Variants in LRRC4C observed in about 807,000 individuals in gnomAD.
The protein encoded by LRRC4C is leucine rich repeat containing 4C.
Under a neutral mutation model 33.6 loss-of-function variants are expected in LRRC4C, and 5 were observed. The ratio of observed to expected loss-of-function variants is 0.15; its 90% CI spans 0.08 to 0.31. The LOEUF is 0.31. LRRC4C is among the 10% of genes least tolerant of loss of function. The probability of loss-of-function intolerance (pLI) is 1.00; values close to 1 mark genes in which losing one functional copy is unlikely to be tolerated. For missense variants in LRRC4C, 560 were observed against 796.7 expected (o/e 0.70, Z 3.58); for synonymous variants, 329 against 302.0 (o/e 1.09, Z -0.93).
At chr11:41,106,129 A>T (rs1941479024) in intron 1 of LRRC4C, among the ~76,000 whole-genome samples, 1 of 152,152 alleles carries the variant, frequency 6.6e-6, no homozygotes, top group African/African-American at 2.4e-5. Flanking sequence ...TAAGTCAGTG[A>T]CAGAACTAAG....
intron 2 of LRRC4C, among the ~76,000 whole-genome samples, chr11:40,666,001 G>C (rs1350585907): frequency 6.6e-6 from 1 of 151,940 alleles, no homozygotes; most frequent in Non-Finnish European, 1.5e-5. Flanking sequence ...TAGAAAGTTT[G>C]GCTTTTTTCT....
chr11:40,829,167 C>A (rs1952296994), intron 2 of LRRC4C, among the ~76,000 whole-genome samples: 1 of 151,880 alleles, frequency 6.6e-6, no homozygotes, highest in African/African-American at 2.4e-5. Context: ...ATGCAGATAG[C>A]TTTTCAATGG....
intron 5 of LRRC4C, among the ~76,000 whole-genome samples, chr11:40,166,502 G>C (rs963224622): frequency 3.9e-5 from 6 of 152,260 alleles, no homozygotes; most frequent in African/African-American, 1.2e-4. Flanking sequence ...GTTTCCTACT[G>C]TGTGTGCTGG....
At chr11:40,853,555 A>G (rs1362724023) in intron 2 of LRRC4C, among the ~76,000 whole-genome samples, 4 of 151,924 alleles carry the variant, frequency 2.6e-5, no homozygotes, top group African/African-American at 4.8e-5. Context: ...ATTCAGGTAT[A>G]TGCAAAACGA....
At chr11:40,511,400 G>A (rs12574103) in intron 3 of LRRC4C, among the ~76,000 whole-genome samples, 3 of 152,180 alleles carry the variant, frequency 2.0e-5, no homozygotes, top group Non-Finnish European at 4.4e-5. Context: ...GAAGGGCCAT[G>A]AGATGCAAAA....
At chr11:40,613,206 G>A (rs1017227946) in intron 3 of LRRC4C, among the ~76,000 whole-genome samples, 1 of 151,838 alleles carries the variant, frequency 6.6e-6, no homozygotes, top group Non-Finnish European at 1.5e-5. Context: ...TCTGTAGCAT[G>A]GGATGTTGTT....
At chr11:40,159,223 A>C (rs1451995135) in intron 5 of LRRC4C, among the ~76,000 whole-genome samples, 1 of 152,172 alleles carries the variant, frequency 6.6e-6, no homozygotes, top group Admixed American at 6.5e-5. Flanking sequence ...TGGCGAAGAT[A>C]ATTTTCAAAT....
intron 1 of LRRC4C, among the ~76,000 whole-genome samples, chr11:41,104,357 C>T (rs1941373369): frequency 6.6e-6 from 1 of 151,800 alleles, no homozygotes; most frequent in South Asian, 2.1e-4. Flanking sequence ...AGAACATAAC[C>T]ATATTCTCAA....
intron 1 of LRRC4C, among the ~76,000 whole-genome samples, chr11:40,997,746 CT>C (rs1854084935): frequency 6.6e-6 from 1 of 150,448 alleles, no homozygotes; most frequent in Non-Finnish European, 1.5e-5. Flanking sequence ...TGAGGAGAGC[CT>C]TCTAGATGAG....
chr11:40,294,335 G>C (rs1468616911), intron 4 of LRRC4C, among the ~76,000 whole-genome samples: 1 of 152,084 alleles, frequency 6.6e-6, no homozygotes, highest in Non-Finnish European at 1.5e-5. Context: ...GGCTGTGTGG[G>C]AGAAGTCAGT....
intron 1 of LRRC4C, among the ~76,000 whole-genome samples, chr11:41,267,780 G>A (rs1045899941): frequency 1.3e-5 from 2 of 151,996 alleles, no homozygotes; most frequent in Admixed American, 1.3e-4. Flanking sequence ...AATTGCTTTA[G>A]AATGAAGGAT....
chr11:40,908,427 C>CTGA (rs1252769717), intron 2 of LRRC4C, among the ~76,000 whole-genome samples: 3 of 152,030 alleles, frequency 2.0e-5, no homozygotes, highest in Non-Finnish European at 4.4e-5. Context: ...TTAACAAGGA[C>CTGA]TGATAAGCTT....
Position 40,283,514 on chromosome 11 carries a change from A to T in LRRC4C, c.-176+36114T>A, listed in dbSNP as rs543080414. Among the ~76,000 whole-genome samples, 25 of 152,236 alleles carry T rather than the reference A, an allele frequency of 1.6e-4. No homozygotes were observed. In the East Asian group the frequency reaches 4.8e-3, roughly 29 times the overall value. The stretch of plus-strand genomic sequence containing the variant: ...ATAATAAAACTTAATCTTAACAATA[A>T]GAATATTGGGAAAATAATGGCCTAT... On this transcript the variant is annotated intron_variant, in intron 4 of 6. Coordinates refer to ENST00000528697, the MANE Select transcript of LRRC4C (RefSeq NM_001258419.2).
intron 1 of LRRC4C, among the ~76,000 whole-genome samples, chr11:41,011,856 A>C (rs895367283): frequency 4.1e-5 from 6 of 147,444 alleles, no homozygotes; most frequent in Non-Finnish European, 8.9e-5. Context: ...ATTATGTTAC[A>C]TGTATTTTTG....
At chr11:40,421,170 A>T (rs1372466724) in intron 3 of LRRC4C, among the ~76,000 whole-genome samples, 1 of 152,214 alleles carries the variant, frequency 6.6e-6, no homozygotes, top group Non-Finnish European at 1.5e-5. Flanking sequence ...TTCTTGATAT[A>T]CCAGTGTTTA....
chr11:40,200,722 T>A (rs903370094), intron 5 of LRRC4C, among the ~76,000 whole-genome samples: 2 of 126,190 alleles, frequency 1.6e-5, no homozygotes, highest in Non-Finnish European at 3.1e-5. Context: ...GCTGAGGTCA[T>A]GCCACTGCAC....
chr11:40,210,807 C>T (rs1473225352), intron 5 of LRRC4C, among the ~76,000 whole-genome samples: 1 of 152,212 alleles, frequency 6.6e-6, no homozygotes, highest in Admixed American at 6.5e-5. Flanking sequence ...GAGTCTCACT[C>T]TGTCACCCTG....
intron 2 of LRRC4C, among the ~76,000 whole-genome samples, chr11:40,787,182 T>C (rs1213312975): frequency 6.6e-6 from 1 of 152,092 alleles, no homozygotes; most frequent in Non-Finnish European, 1.5e-5. Context: ...TCCAGATTTA[T>C]GAATTTCTTT....
chr11:41,202,248 C>T (rs1946428375), intron 1 of LRRC4C, among the ~76,000 whole-genome samples: 1 of 152,134 alleles, frequency 6.6e-6, no homozygotes, highest in African/African-American at 2.4e-5. Context: ...CTAACATTGA[C>T]TCAACTTTTT....
Sources: allele counts gnomAD v4.1 joint callset (sites outside exome capture counted in the v4.1 genomes callset), GRCh38; gene constraint gnomAD v4.1.1; transcripts MANE v1.5; gene names NCBI Gene and HGNC (gene_info 2026-07-23, HGNC 2026-07-21).